GAB3: variants seen among roughly 807,000 people sequenced by gnomAD.
GAB3 encodes GRB2 associated binding protein 3, also known as GRB2-associated-binding protein 3.
GAB3 carries 12 observed loss-of-function variants against 40.4 expected under a neutral mutation model. The ratio of observed to expected loss-of-function variants is 0.30; its 90% confidence interval spans 0.19 to 0.48. GAB3 has a LOEUF of 0.48. GAB3 is among the 20% of genes least tolerant of loss of function. GAB3 has a pLI of 0.99. For synonymous variants in GAB3, 154 were observed against 176.7 expected (o/e 0.87, Z 1.02); for missense variants, 381 against 461.9 (o/e 0.82, Z 1.61).
At chrX:154,729,518 T>C (rs897388263) in intron 1 of GAB3, among the ~76,000 whole-genome samples, 4 of 111,574 alleles carry the variant, frequency 3.6e-5, no homozygotes, top group Admixed American at 2.8e-4. Flanking sequence ...AAGCTAGAGA[T>C]GTGGCAGTAG....
chrX:154,713,118 C>T (rs2070979929), intron 3 of GAB3, 89 bp downstream of exon 3: 1 of 753,872 alleles, frequency 1.3e-6, no homozygotes, highest in Non-Finnish European at 2.0e-6. Context: ...CTGAACACAT[C>T]TCAGCTACGG....
chrX:154,698,302 C>T (rs940132831), intron 6 of GAB3, among the ~76,000 whole-genome samples: 46 of 112,148 alleles, frequency 4.1e-4, no homozygotes, highest in African/African-American at 1.5e-3. Context: ...GTGGATTTTA[C>T]ATATCTTCCT....
At chrX:154,686,086 C>T (rs1255110190) in intron 8 of GAB3, among the ~76,000 whole-genome samples, 1 of 111,550 alleles carries the variant, frequency 9.0e-6, no homozygotes, top group Non-Finnish European at 1.9e-5. Context: ...TAATTCTACA[C>T]GATCTGTTCC....
At chrX:154,734,454 C>T (rs2071336647) in intron 1 of GAB3, among the ~76,000 whole-genome samples, 1 of 112,722 alleles carries the variant, frequency 8.9e-6, no homozygotes, top group African/African-American at 3.2e-5. Context: ...AATCACTGTG[C>T]AGAATGCTAA....
chrX:154,742,664 T>C (rs1557261466), intron 1 of GAB3, among the ~76,000 whole-genome samples: 1 of 111,340 alleles, frequency 9.0e-6, no homozygotes. Flanking sequence ...GCTTCTACTT[T>C]AAATGAATTT....
chrX:154,696,602 T>G (rs782585028), intron 7 of GAB3, among the ~76,000 whole-genome samples: 1 of 112,074 alleles, frequency 8.9e-6, no homozygotes, highest in Non-Finnish European at 1.9e-5. Flanking sequence ...AGGGTGCAAT[T>G]ACATTTTGAA....
At chrX:154,722,076 C>T (rs1320347475) in intron 1 of GAB3, among the ~76,000 whole-genome samples, 7 of 111,868 alleles carry the variant, frequency 6.3e-5, no homozygotes, top group African/African-American at 2.0e-4. Context: ...GCATGTGCAT[C>T]GCATCACACT....
At chrX:154,738,219 C>T (rs1158656142) in intron 1 of GAB3, among the ~76,000 whole-genome samples, 2 of 111,701 alleles carry the variant, frequency 1.8e-5, no homozygotes, top group Non-Finnish European at 3.8e-5. Context: ...ATGGAATCTC[C>T]AGCTGCTTTC....
intron 4 of GAB3, among the ~76,000 whole-genome samples, chrX:154,711,316 G>C (rs1486154342): frequency 8.9e-6 from 1 of 111,851 alleles, no homozygotes; most frequent in Non-Finnish European, 1.9e-5. Flanking sequence ...GTATCTGAGA[G>C]ATACAGACTG....
chrX:154,706,340 TG>T (rs2070807995), intron 4 of GAB3, among the ~76,000 whole-genome samples: 2 of 106,855 alleles, frequency 1.9e-5, no homozygotes, highest in African/African-American at 6.9e-5. Flanking sequence ...CGCTTGAACC[TG>T]GAAGGCAGAG....
intron 4 of GAB3, among the ~76,000 whole-genome samples, chrX:154,707,500 C>A (rs1178658317): frequency 8.9e-6 from 1 of 112,063 alleles, no homozygotes; most frequent in Non-Finnish European, 1.9e-5. Flanking sequence ...AGAAATACAT[C>A]TATTCATGAC....
intron 4 of GAB3, among the ~76,000 whole-genome samples, chrX:154,706,330 C>T (rs1318679166): frequency 1.8e-5 from 2 of 108,190 alleles, no homozygotes; most frequent in African/African-American, 3.4e-5. Flanking sequence ...GCAGGAGAAT[C>T]GCTTGAACCT....
intron 1 of GAB3, among the ~76,000 whole-genome samples, chrX:154,735,543 C>T (rs782722902): frequency 1.8e-5 from 2 of 112,074 alleles, no homozygotes; most frequent in Non-Finnish European, 3.8e-5. Context: ...CTGGAATTCT[C>T]GACTCCTTTC....
chrX:154,697,144 C>T lies in GAB3; in HGVS notation c.1415G>A (p.Arg472His), dbSNP rs1255210125. Residue 472 changes from arginine (R) to histidine (H), a missense_variant, in exon 7 of 10, where the codon CGC becomes CAC. Transcript: ENST00000424127. ...CAATCAGTCTTACCAAGGCACAGTG[C>T]GGGTCCTGGTAAGAGATGCATGTTC... is the stretch of plus-strand genomic sequence containing the variant. ...IREHASLTRT[R>H]TVPCSRTSFL... The T allele has an allele frequency of 3.3e-6, 4 of 1,202,943 alleles. No homozygotes were observed. The highest frequency in any genetic ancestry group is 3.0e-5 in the East Asian group (1 of 33,577).
chrX:154,713,572 T>C (rs1490103672), intron 2 of GAB3, 146 bp from the exon 3 acceptor site: 3 of 468,310 alleles, frequency 6.4e-6, no homozygotes, highest in Non-Finnish European at 1.1e-5. Flanking sequence ...CCCCAAGCTA[T>C]AAACAATGTC....
chrX:154,709,833 G>T (rs1222569038), intron 4 of GAB3, among the ~76,000 whole-genome samples: 1 of 111,722 alleles, frequency 9.0e-6, no homozygotes, highest in East Asian at 2.8e-4. Context: ...TCAGTGAAAT[G>T]AGCTGGGCAC....
intron 4 of GAB3, among the ~76,000 whole-genome samples, chrX:154,710,806 C>G (rs1425018351): frequency 2.7e-5 from 3 of 112,217 alleles, no homozygotes; most frequent in Non-Finnish European, 5.6e-5. Flanking sequence ...AAGAACACAA[C>G]CTAATTGTTT....
At chrX:154,687,851 C>T (rs1181981534) in intron 8 of GAB3, among the ~76,000 whole-genome samples, 2 of 111,391 alleles carry the variant, frequency 1.8e-5, no homozygotes, top group African/African-American at 6.5e-5. Context: ...GACAATGGAA[C>T]AGAATAGAAA....
Position 154,678,006 on chromosome X carries a change from G to A in GAB3, c.*172C>T, listed in dbSNP as rs1260979950. On this transcript the variant is annotated 3_prime_UTR_variant, in exon 10 of 10. Transcript: ENST00000424127. ...TTTTCTTCCTTCAATGTATAAACAG[G>A]TCTTCTTTCCTAAAGGTTCTGGCCA... The A allele has an allele frequency of 1.1e-5, 4 of 373,358 alleles. No homozygotes were observed. The highest frequency in any genetic ancestry group is 2.7e-5 in the African/African-American group (1 of 37,238). The allele number at this position is 373,358 out of a possible 1,213,427, so 30.8% of individuals were successfully genotyped here.
Sources: gnomAD v4.1 joint callset for allele counts (sites outside exome capture counted in the v4.1 genomes callset) on GRCh38, gnomAD v4.1.1 for gene constraint, MANE v1.5 for transcripts, NCBI Gene and HGNC (gene_info 2026-07-23, HGNC 2026-07-21) for gene names.